Variants in SH3TC1 observed in about 807,000 individuals in gnomAD.
SH3TC1 encodes SH3 domain and tetratricopeptide repeats 1.
Under a neutral mutation model 117.3 loss-of-function variants are expected in SH3TC1, and 135 were observed. The observed-to-expected ratio is 1.15, with a 90% CI of 1.00 to 1.33. The LOEUF is 1.33. Among genes scored for constraint, SH3TC1 ranks in the 40% most tolerant of loss-of-function variants. The pLI is 0.00. For missense variants in SH3TC1, 2,092 were observed against 1,794.3 expected (o/e 1.17, Z -3.00); for synonymous variants, 898 against 816.9 (o/e 1.10, Z -1.69).
chr4:8,236,658 C>T (rs1721847709), intron 16 of SH3TC1: 1 of 469,156 alleles, frequency 2.1e-6, no homozygotes, highest in Admixed American at 4.0e-5. Context: ...CCTCTTCCCC[C>T]TGCTGACCAC....
At chr4:8,232,840 G>A in intron 13 of SH3TC1, 2 of 1,270,082 alleles carry the variant, frequency 1.6e-6, no homozygotes, top group South Asian at 2.5e-5. Context: ...GGGCCAGTGT[G>A]TTAGAGCCAT....
At chr4:8,189,430 A>C (rs1717342232) in intron 1 of SH3TC1, among the ~76,000 whole-genome samples, 1 of 152,124 alleles carries the variant, frequency 6.6e-6, no homozygotes, top group Non-Finnish European at 1.5e-5. Context: ...CTCTTTGAGG[A>C]GGCAACACAC....
chr4:8,227,964 A>C lies in SH3TC1; in HGVS notation c.2270A>C (p.Gln757Pro), dbSNP rs1720698871. 6.2e-7 allele frequency: 1 copy of C among 1,612,160 alleles called. No individual in the cohort carries two copies. The highest frequency in any genetic ancestry group is 1.7e-5 in the Admixed American group (1 of 59,978). Residue 757 changes from glutamine (Q) to proline (P), a missense_variant, in exon 12 of 18, where the codon CAG (glutamine) becomes CCG (proline). By Grantham distance (76) the Gln-to-Pro change is moderately conservative (BLOSUM62 -1). Coordinates refer to ENST00000245105, the MANE Select transcript of SH3TC1 (RefSeq NM_018986.5). ...AACCTGGTGCTCCAGAACGCCCCCCAGCCCCACAGCCTCCCTGCCCAAACT... is the reference window on the plus strand; with the variant it reads ...AACCTGGTGCTCCAGAACGCCCCCCCGCCCCACAGCCTCCCTGCCCAAACT... ...SVNLVLQNAP[Q>P]PHSLPAQTSH... is the part of the protein sequence containing the mutation.
At chr4:8,236,490 T>G in intron 16 of SH3TC1, 62 bp downstream of exon 16, 15 of 1,414,910 alleles carry the variant, frequency 1.1e-5, no homozygotes, top group Non-Finnish European at 1.3e-5. Flanking sequence ...AGCCTCCAGG[T>G]CTGCAGGGCA....
At position 8,210,308 on chromosome 4, in the gene SH3TC1, A is replaced by AC. The variant is rs377374308; in HGVS notation, c.247+492dup. Reference sequence around the variant, plus strand: ...GTGTAAGAAGCCCCTTACCCTGGAGACCCCCCAACCCCCCGCTGGGGAGGA... The same window carrying AC: ...GTGTAAGAAGCCCCTTACCCTGGAGACCCCCCCAACCCCCCGCTGGGGAGGA... On this transcript the variant is annotated intron_variant, in intron 3 of 17. Coordinates refer to ENST00000245105, the MANE Select transcript of SH3TC1 (RefSeq NM_018986.5). This position sits in a 1 kb window ranked among gnomAD's most constrained non-coding sequence, Gnocchi z 4.1. Among the ~76,000 whole-genome samples, 13 of 151,734 alleles carry AC rather than the reference A, an allele frequency of 8.6e-5. No individual in the cohort carries two copies. The highest frequency in any genetic ancestry group is 2.7e-4 in the African/African-American group (11 of 41,348).
rs112600778 is a variant in SH3TC1 at position 8,205,780 on chromosome 4, C to G, written c.172+414C>G. ...CAGAGAGGGAAGGGCCGGGCCAGGC[C>G]ACCCTGTGGTCAGGGGCCGGGCCAG... On this transcript the variant is annotated intron_variant, in intron 2 of 17. Coordinates refer to ENST00000245105, the MANE Select transcript of SH3TC1 (RefSeq NM_018986.5). The surrounding 1 kb of genome is among the most constrained non-coding windows in gnomAD (Gnocchi z 5.4). The G allele has an allele frequency of 5.4e-5, 34 of 631,492 alleles. No homozygotes were observed. The highest frequency in any genetic ancestry group is 4.7e-4 in the African/African-American group (26 of 54,910). 39.1% of individuals were successfully genotyped at this position (631,492 alleles called of 1,614,324 possible).
chr4:8,240,930 G>A lies in SH3TC1; in HGVS notation c.3986G>A (p.Trp1329Ter). The A allele has an allele frequency of 6.2e-7, 1 of 1,611,710 alleles. No homozygotes were observed. The highest frequency in any genetic ancestry group is 8.5e-7 in the Non-Finnish European group (1 of 1,179,994). The change falls in exon 18 of 18, where the codon TGG (tryptophan) becomes TAG (stop). Residue 1329 changes from tryptophan (W) to a stop codon, truncating the protein, a stop_gained. Coordinates refer to ENST00000245105, the MANE Select transcript of SH3TC1 (RefSeq NM_018986.5). LOFTEE classifies it high-confidence loss of function. ...CTGCCACTCTGCGGGTGGGCCCCCT[G>A]GTTGGCCCCCAGCCACCCTCGCTGA... ...PPLPLCGWAPWLAPSHPR is the reference protein window; with the variant it reads ...PPLPLCGWAP
intron 1 of SH3TC1, among the ~76,000 whole-genome samples, chr4:8,188,003 T>G (rs924443635): frequency 6.6e-6 from 1 of 152,246 alleles, no homozygotes; most frequent in African/African-American, 2.4e-5. Context: ...TATTGATCCA[T>G]TTAACTATTG....
At chr4:8,184,578 C>A (rs1717169276) in intron 1 of SH3TC1, among the ~76,000 whole-genome samples, 1 of 152,168 alleles carries the variant, frequency 6.6e-6, no homozygotes, top group Non-Finnish European at 1.5e-5. Flanking sequence ...AGGGTCTCAT[C>A]ATGTTGCTCA....
Position 8,235,553 on chromosome 4 carries a change from C to T in SH3TC1, c.3403C>T (p.Arg1135Trp), listed in dbSNP as rs574770936. 2.3e-5 allele frequency: 36 copies of T among 1,594,552 alleles called. No individual in the cohort carries two copies. Among genetic ancestry groups the T allele is most frequent in the Admixed American group, 7.0e-5 (4 of 57,264 alleles). Residue 1135 changes from arginine to tryptophan, a missense_variant and splice_region_variant, in exon 15 of 18, where the codon CGG becomes TGG. Coordinates refer to ENST00000245105, the MANE Select transcript of SH3TC1 (RefSeq NM_018986.5). ...WEREKAVSFY[R>W]DRALPLAVTT... ...GCGGGAGAAAGCTGTGTCCTTCTAC[C>T]GGGTGAGCTGGCCTGTGGGCTGATG...
intron 1 of SH3TC1, among the ~76,000 whole-genome samples, chr4:8,184,003 G>C (rs765064166): frequency 2.4e-4 from 37 of 152,110 alleles, no homozygotes; most frequent in African/African-American, 8.9e-4. Flanking sequence ...GCCCACCTCA[G>C]CCTCCCAAAG....
At position 8,233,483 on chromosome 4, in the gene SH3TC1, G is replaced by T; in HGVS notation, c.3252G>T (p.Arg1084=). The change falls in exon 14 of 18, where the codon CGG becomes CGT. Residue 1084 remains arginine, a synonymous_variant. Transcript: ENST00000245105. ...LQAGKIYYIL[R]QSELVDLYIQ... is the part of the protein sequence containing the mutation. ...CAGGGAAGATCTATTACATCTTGCG[G>T]CAGAGCGAGCTGGTGGACCTCTACA... 4.3e-6 allele frequency: 7 copies of T among 1,613,058 alleles called. No individual in the cohort carries two copies. Among genetic ancestry groups the T allele is most frequent in the Non-Finnish European group, 5.9e-6 (7 of 1,179,542 alleles).
At chr4:8,199,931 C>A (rs552887931) in intron 1 of SH3TC1, among the ~76,000 whole-genome samples, 1 of 152,228 alleles carries the variant, frequency 6.6e-6, no homozygotes, top group Non-Finnish European at 1.5e-5. Context: ...AGCAACTGGA[C>A]CAGGGGCTTC....
intron 1 of SH3TC1, among the ~76,000 whole-genome samples, chr4:8,191,030 G>T (rs1327152191): frequency 3.3e-5 from 5 of 152,196 alleles, no homozygotes; most frequent in Non-Finnish European, 7.3e-5. Flanking sequence ...CTGCAGGGCT[G>T]CTGTGGGGGC....
At position 8,209,810 on chromosome 4, in the gene SH3TC1, G is replaced by T. The variant is rs374304064; in HGVS notation, c.235G>T (p.Val79Phe). ...TGGGACCCCTCCCTGCCAGATGGGGGTTTATCCCACAGGTAAACATCCTGG... is the reference window on the plus strand; with the variant it reads ...TGGGACCCCTCCCTGCCAGATGGGGTTTTATCCCACAGGTAAACATCCTGG... ...AAGTPPCQMGVYPTDLTLQLL... is the reference protein window; with the variant it reads ...AAGTPPCQMGFYPTDLTLQLL... Residue 79 changes from valine (V) to phenylalanine (F), a missense_variant, in exon 3 of 18, where the codon GTT becomes TTT. Coordinates refer to ENST00000245105, the MANE Select transcript of SH3TC1 (RefSeq NM_018986.5). The surrounding 1 kb of genome is among the most constrained non-coding windows in gnomAD (Gnocchi z 5.9). The T allele has an allele frequency of 1.5e-5, 25 of 1,613,338 alleles. No homozygotes were observed. The highest frequency in any genetic ancestry group is 3.3e-5 in the Admixed American group (2 of 59,958).
At position 8,225,886 on chromosome 4, in the gene SH3TC1, G is replaced by A. The variant is rs576452113; in HGVS notation, c.1285+670G>A. Among the ~76,000 whole-genome samples the A allele has an allele frequency of 1.4e-4, 21 of 152,232 alleles. 1 individual carries two copies. The South Asian group carries it at 4.4e-3, about 32-fold the overall frequency. On this transcript the variant is annotated intron_variant, in intron 11 of 17. Coordinates refer to ENST00000245105, the MANE Select transcript of SH3TC1 (RefSeq NM_018986.5). The surrounding 1 kb of genome is among the most constrained non-coding windows in gnomAD (Gnocchi z 5.5). ...GGCTGTTGTAGGTTTTCCTGGGGGA[G>A]GGGGTGGATCCACCCTCTGCCGAAG...
intron 17 of SH3TC1, among the ~76,000 whole-genome samples, chr4:8,239,725 G>C (rs369562884): frequency 1.3e-5 from 2 of 152,358 alleles, no homozygotes; most frequent in East Asian, 3.9e-4. Context: ...ACCCCAGGCT[G>C]AGTCTGGGGC....
chr4:8,226,354 G>C (rs1720459482), intron 11 of SH3TC1, among the ~76,000 whole-genome samples: 1 of 152,202 alleles, frequency 6.6e-6, no homozygotes, highest in Non-Finnish European at 1.5e-5. Context: ...CCAAGGTGAA[G>C]GTGGTCACAG....
At chr4:8,214,040 G>T (rs545942479) in intron 4 of SH3TC1, among the ~76,000 whole-genome samples, 1 of 152,260 alleles carries the variant, frequency 6.6e-6, no homozygotes, top group Non-Finnish European at 1.5e-5. Context: ...CTGATTAATA[G>T]AAATCAGAGG....
Sources: gnomAD v4.1 joint callset for allele counts (sites outside exome capture counted in the v4.1 genomes callset) on GRCh38, gnomAD v4.1.1 for gene constraint, Gnocchi (gnomAD v3.1) non-coding constraint, MANE v1.5 for transcripts, NCBI Gene and HGNC (gene_info 2026-07-23, HGNC 2026-07-21) for gene names.